CRTC3: variants seen among roughly 807,000 people sequenced by gnomAD.
The protein encoded by CRTC3 is CREB-regulated transcription coactivator 3.
A neutral mutation model predicts 74.5 loss-of-function variants in CRTC3; 26 were observed. The ratio of observed to expected loss-of-function variants is 0.35; its 90% confidence interval spans 0.26 to 0.48. The LOEUF is 0.48. Among genes scored for constraint, CRTC3 ranks in the 20% least tolerant of loss-of-function variants. The pLI is 0.99. For missense variants in CRTC3, 760 were observed against 787.3 expected (o/e 0.97, Z 0.41); for synonymous variants, 377 against 325.8 (o/e 1.16, Z -1.69).
intron 6 of CRTC3, among the ~76,000 whole-genome samples, chr15:90,613,043 T>C (rs541146409): frequency 6.6e-6 from 1 of 151,796 alleles, no homozygotes; most frequent in Admixed American, 6.6e-5. Context: ...TACCAAAAAA[T>C]AGAAAAATTA....
intron 2 of CRTC3, among the ~76,000 whole-genome samples, chr15:90,544,106 T>C (rs1966840046): frequency 6.6e-6 from 1 of 152,178 alleles, no homozygotes; most frequent in South Asian, 2.1e-4. Flanking sequence ...AGTCCAGAAG[T>C]TGGAAATCAG....
chr15:90,605,488 C>T (rs916353361), intron 5 of CRTC3, among the ~76,000 whole-genome samples: 3 of 152,134 alleles, frequency 2.0e-5, no homozygotes, highest in African/African-American at 4.8e-5. Context: ...ACCACAATGC[C>T]GCTATTACAC....
chr15:90,645,177 G>A lies in CRTC3; in HGVS notation c.*3037G>A, dbSNP rs568121916. 3.0e-5 allele frequency: 7 copies of A among 229,894 alleles called. No homozygotes were observed. Among genetic ancestry groups the A allele is most frequent in the African/African-American group, 1.1e-4 (5 of 45,248 alleles). 14.2% of individuals were successfully genotyped at this position (229,894 alleles called of 1,614,324 possible). ...AGCATGTGTCCAGTGCTTCATGGAT[G>A]GGACCATCCCAGCAACTAATCAGAC... On this transcript the variant is annotated 3_prime_UTR_variant, in exon 15 of 15. Transcript: ENST00000268184.
chr15:90,542,748 G>C (rs1413198885), intron 2 of CRTC3, among the ~76,000 whole-genome samples: 1 of 152,188 alleles, frequency 6.6e-6, no homozygotes, highest in Non-Finnish European at 1.5e-5. Flanking sequence ...GTCTGGAACA[G>C]CTTTTCAGCC....
At position 90,582,470 on chromosome 15, in the gene CRTC3, A is replaced by G. The variant is rs142136903; in HGVS notation, c.232-11166A>G. Among the ~76,000 whole-genome samples the G allele has an allele frequency of 4.1e-3, 618 of 152,342 alleles. 6 individuals are homozygous for G. Among genetic ancestry groups the G allele is most frequent in the African/African-American group, 0.014 (579 of 41,578 alleles). ...AGCTGTACAGAAAAGTAGGAGTAGA[A>G]TAAGAAGCTCCCATATAGCCCTCAC... On this transcript the variant is annotated intron_variant, in intron 2 of 14. Coordinates refer to ENST00000268184, the MANE Select transcript of CRTC3 (RefSeq NM_022769.5).
chr15:90,593,167 C>CA lies in CRTC3; in HGVS notation c.232-461dup, dbSNP rs958418786. Among the ~76,000 whole-genome samples, 6 of 152,028 alleles carry CA rather than the reference C, an allele frequency of 3.9e-5. No homozygotes were observed. The East Asian group carries it at 1.2e-3, about 29-fold the overall frequency. ...GACTCCATCTCAAAAAACAAACAAACAAAAAAAATTCTGACTTTTCCCTAG... is the reference window on the plus strand; with the variant it reads ...GACTCCATCTCAAAAAACAAACAAACAAAAAAAAATTCTGACTTTTCCCTAG... On this transcript the variant is annotated intron_variant, in intron 2 of 14. Coordinates refer to ENST00000268184, the MANE Select transcript of CRTC3 (RefSeq NM_022769.5).
At chr15:90,567,225 A>T (rs1253221400) in intron 2 of CRTC3, among the ~76,000 whole-genome samples, 2 of 152,086 alleles carry the variant, frequency 1.3e-5, no homozygotes, top group African/African-American at 2.4e-5. Context: ...CCTGTGCAGT[A>T]TGAGTGGAAT....
At chr15:90,615,962 C>T (rs1968483859) in intron 7 of CRTC3, among the ~76,000 whole-genome samples, 2 of 151,690 alleles carry the variant, frequency 1.3e-5, no homozygotes, top group Non-Finnish European at 2.9e-5. Flanking sequence ...TGGGTTCAAG[C>T]GATTCTCCTG....
chr15:90,624,129 C>T (rs1461171240), intron 9 of CRTC3, among the ~76,000 whole-genome samples: 3 of 152,202 alleles, frequency 2.0e-5, no homozygotes, highest in African/African-American at 7.2e-5. Context: ...AGTGGCTGGC[C>T]CCTGGGAGGT....
chr15:90,605,452 G>T (rs958479484), intron 5 of CRTC3, among the ~76,000 whole-genome samples: 9 of 152,122 alleles, frequency 5.9e-5, no homozygotes. Flanking sequence ...GTTTAAGGCC[G>T]ACGAGAACCT....
rs545579969 is a variant in CRTC3 at position 90,596,717 on chromosome 15, G to A, written c.351+2962G>A. Among the ~76,000 whole-genome samples, 14 of 152,278 alleles carry A rather than the reference G, an allele frequency of 9.2e-5. No homozygotes were observed. In the South Asian group the frequency reaches 1.0e-3, roughly 11 times the overall value. ...GCTGTGATTCCGTCTTTGCTTTCAC[G>A]ACCTGCATTCTGTTGGTTGTGAAAT... On this transcript the variant is annotated intron_variant, in intron 3 of 14. Transcript: ENST00000268184.
intron 10 of CRTC3, among the ~76,000 whole-genome samples, chr15:90,628,183 C>G (rs1006113386): frequency 3.3e-5 from 5 of 151,564 alleles, no homozygotes; most frequent in African/African-American, 9.7e-5. Flanking sequence ...TGTCACTGCA[C>G]TCCAGCCTGG....
At chr15:90,641,502 T>C (rs1009276154) in intron 14 of CRTC3, among the ~76,000 whole-genome samples, 3 of 151,828 alleles carry the variant, frequency 2.0e-5, no homozygotes, top group Non-Finnish European at 4.4e-5. Flanking sequence ...TCGAGACCAT[T>C]CTGGCTAACA....
intron 2 of CRTC3, among the ~76,000 whole-genome samples, chr15:90,568,834 C>T (rs992740888): frequency 1.3e-5 from 2 of 152,122 alleles, no homozygotes; most frequent in African/African-American, 4.8e-5. Context: ...AGGCAAGACC[C>T]TCTACTAGGA....
chr15:90,588,479 A>G (rs1468750104), intron 2 of CRTC3, among the ~76,000 whole-genome samples: 4 of 151,974 alleles, frequency 2.6e-5, no homozygotes, highest in Admixed American at 1.3e-4. Context: ...CTGAAGGAGC[A>G]TCCCCTACTT....
At chr15:90,535,036 C>T (rs1053847267) in intron 1 of CRTC3, among the ~76,000 whole-genome samples, 2 of 152,046 alleles carry the variant, frequency 1.3e-5, no homozygotes, top group Admixed American at 6.6e-5. Context: ...TGGCGAGTGC[C>T]TGTAATCCCA....
Position 90,607,602 on chromosome 15 carries a change from G to C in CRTC3, c.577+124G>C, listed in dbSNP as rs1057102136. The C allele has an allele frequency of 9.6e-6, 6 of 622,492 alleles. No individual in the cohort carries two copies. The East Asian group carries it at 1.7e-4, about 18-fold the overall frequency. 38.6% of individuals were successfully genotyped at this position (622,492 alleles called of 1,614,324 possible). ...TTCAGTGATCTTAGAGAGGCAGCTC[G>C]TGGCAGGGAAGCGTGTGTGTCCATG... On this transcript the variant is annotated intron_variant, in intron 6 of 14. Transcript: ENST00000268184.
chr15:90,603,234 G>T (rs1425918957), intron 4 of CRTC3, among the ~76,000 whole-genome samples: 4 of 151,056 alleles, frequency 2.6e-5, no homozygotes, highest in African/African-American at 7.3e-5. Flanking sequence ...ACAAGCTCAG[G>T]AGATCGAGAC....
chr15:90,601,483 C>G (rs1269016379), intron 3 of CRTC3, among the ~76,000 whole-genome samples: 1 of 144,286 alleles, frequency 6.9e-6, no homozygotes, highest in East Asian at 2.0e-4. Context: ...AACCCTGTCT[C>G]TAATTAAAAA....
Sources: gnomAD v4.1 joint callset for allele counts (sites outside exome capture counted in the v4.1 genomes callset) on GRCh38, gnomAD v4.1.1 for gene constraint, MANE v1.5 for transcripts, NCBI Gene and HGNC (gene_info 2026-07-23, HGNC 2026-07-21) for gene names.